The following TTF1 variants were observed in gnomAD, a reference collection of about 807,000 sequenced individuals.
TTF1 encodes transcription termination factor 1.
In TTF1, 64 loss-of-function variants were observed where a neutral mutation model predicts 80.2. The observed-to-expected ratio is 0.80, with a 90% CI of 0.65 to 0.98. TTF1 has a LOEUF of 0.98. TTF1 is among the 50% of genes least tolerant of loss of function. TTF1 has a pLI of 0.00. For synonymous variants in TTF1, 372 were observed against 382.7 expected (o/e 0.97, Z 0.33); for missense variants, 1,023 against 1,086.2 (o/e 0.94, Z 0.82).
chr9:132,378,633 T>TGTGAGTGCATGTGGTTG lies in TTF1; in HGVS notation c.2464+425_2464+426insCAACCACATGCACTCAC, dbSNP rs1849305206. On this transcript the variant is annotated intron_variant, in intron 10 of 10. Coordinates refer to ENST00000334270, the MANE Select transcript of TTF1 (RefSeq NM_007344.4). ...ATGTGGTGTGAGTGCATGTGGTTGG[T>TGTGAGTGCATGTGGTTG]GTGAGTGCATGTGGTGTGAGTGCAT... is the stretch of plus-strand genomic sequence containing the variant. Among the ~76,000 whole-genome samples, 5 of 137,816 alleles carry TGTGAGTGCATGTGGTTG rather than the reference T, an allele frequency of 3.6e-5. 1 individual carries two copies. The South Asian group carries it at 1.2e-3, about 33-fold the overall frequency. 90.4% of individuals were successfully genotyped at this position (137,816 alleles called of 152,430 possible). A position where few individuals can be genotyped will look rare whatever the true frequency, so the allele number is the denominator to read the frequency against.
At chr9:132,382,118 G>A (rs957173422) in intron 9 of TTF1, among the ~76,000 whole-genome samples, 11 of 152,214 alleles carry the variant, frequency 7.2e-5, no homozygotes, top group Non-Finnish European at 1.6e-4. Context: ...TTGAGATATC[G>A]AGAGTGGTGG....
Position 132,379,041 on chromosome 9 carries a change from A to C in TTF1, c.2464+18T>G. The C allele has an allele frequency of 1.3e-6, 2 of 1,575,112 alleles. No individual in the cohort carries two copies. The highest frequency in any genetic ancestry group is 1.4e-5 in the African/African-American group (1 of 73,226). ...CAAATGCCATGTTCTTAGCCATATA[A>C]ATATTAAGAATACTAACCTGGAAAA... On this transcript the variant is annotated intron_variant, in intron 10 of 10. Coordinates refer to ENST00000334270, the MANE Select transcript of TTF1 (RefSeq NM_007344.4).
intron 9 of TTF1, 30 bp from the exon 10 acceptor site, chr9:132,379,174 C>CT (rs1849322053): frequency 6.5e-7 from 1 of 1,529,650 alleles, no homozygotes; most frequent in South Asian, 1.2e-5. Context: ...AGATAAAAAG[C>CT]AAGTTAGTTT....
At position 132,401,576 on chromosome 9, in the gene TTF1, T is replaced by G. The variant is rs778305579; in HGVS notation, c.1246A>C (p.Ser416Arg). The part of the protein sequence containing the change: ...DFSVPSKNSE[S>R]TLFDSVEGDG... ...CCTTCTACTGAATCAAAGAGTGTGC[T>G]CTCAGAGTTCTTACTGGGCACTGAA... The change falls in exon 2 of 11, where the codon AGC (serine) becomes CGC (arginine). Residue 416 changes from serine (S) to arginine (R), a missense_variant. Transcript: ENST00000334270. 5.6e-6 allele frequency: 9 copies of G among 1,613,994 alleles called. No individual in the cohort carries two copies. The highest frequency in any genetic ancestry group is 7.6e-6 in the Non-Finnish European group (9 of 1,180,030).
chr9:132,397,381 CAA>C (rs1201826303), intron 4 of TTF1, among the ~76,000 whole-genome samples: 2 of 152,176 alleles, frequency 1.3e-5, no homozygotes, highest in Non-Finnish European at 2.9e-5. Context: ...TCTTTAAATT[CAA>C]GAGAGATTTG....
chr9:132,386,672 C>A, intron 8 of TTF1, 51 bp from the exon 9 acceptor site: 1 of 1,471,410 alleles, frequency 6.8e-7, no homozygotes, highest in Non-Finnish European at 9.5e-7. Context: ...ATCATGATAG[C>A]CATCTTCATG....
At chr9:132,396,292 G>A (rs749950814) in intron 5 of TTF1, 141 bp downstream of exon 5, 2 of 822,108 alleles carry the variant, frequency 2.4e-6, no homozygotes, top group Non-Finnish European at 4.0e-6. Flanking sequence ...ACACACATTT[G>A]ACAACAAATA....
chr9:132,385,844 G>C (rs915114102), intron 9 of TTF1, among the ~76,000 whole-genome samples: 1 of 152,086 alleles, frequency 6.6e-6, no homozygotes, highest in African/African-American at 2.4e-5. Flanking sequence ...CATCAATGTA[G>C]TTTTTAGGTT....
Position 132,400,080 on chromosome 9 carries a change from T to G in TTF1, c.1546A>C (p.Met516Leu). ...KDRATSTIKR[M>L]YRDDLERFKE... Reference sequence around the variant, plus strand: ...AACCGTTCCAAGTCGTCCCGGTACATCCGCTTGATTGTGCTGGTGGCCCTG... The same window carrying G: ...AACCGTTCCAAGTCGTCCCGGTACAGCCGCTTGATTGTGCTGGTGGCCCTG... The change falls in exon 3 of 11, where the codon ATG (methionine) becomes CTG (leucine). Residue 516 changes from methionine to leucine, a missense_variant. By Grantham distance (15) the Met-to-Leu change is conservative (BLOSUM62 2). Transcript: ENST00000334270. 1.9e-6 allele frequency: 3 copies of G among 1,614,202 alleles called. No individual in the cohort carries two copies. The highest frequency in any genetic ancestry group is 2.5e-6 in the Non-Finnish European group (3 of 1,180,042).
At chr9:132,382,695 G>T (rs1849388125) in intron 9 of TTF1, among the ~76,000 whole-genome samples, 1 of 151,062 alleles carries the variant, frequency 6.6e-6, no homozygotes, top group South Asian at 2.1e-4. Flanking sequence ...ACTTTGAGAG[G>T]GATTAAGGCC....
chr9:132,387,244 G>A (rs899644280), intron 8 of TTF1, among the ~76,000 whole-genome samples: 3 of 152,102 alleles, frequency 2.0e-5, no homozygotes, highest in Non-Finnish European at 4.4e-5. Context: ...GCACCACGCC[G>A]AGCCAAGTTA....
Position 132,377,407 on chromosome 9 carries a change from GGTGT to G in TTF1, c.2465-1243_2465-1240del, listed in dbSNP as rs560606691. Among the ~76,000 whole-genome samples the G allele has an allele frequency of 4.0e-3, 499 of 123,238 alleles. 2 individuals carry two copies. Among genetic ancestry groups the G allele is most frequent in the African/African-American group, 0.016 (464 of 29,172 alleles). 80.8% of individuals were successfully genotyped at this position (123,238 alleles called of 152,430 possible). The stretch of plus-strand genomic sequence containing the variant: ...GAGTGCATGTGGTGTGAGTGCATGT[GGTGT>G]GTGTGAGTGCATGCATGTGGTGTGA... On this transcript the variant is annotated intron_variant, in intron 10 of 10. Coordinates refer to ENST00000334270, the MANE Select transcript of TTF1 (RefSeq NM_007344.4).
chr9:132,404,402 C>T (rs778227438), intron 1 of TTF1, among the ~76,000 whole-genome samples: 3 of 152,106 alleles, frequency 2.0e-5, no homozygotes, highest in Non-Finnish European at 2.9e-5. Context: ...CTCTCTGTCT[C>T]GCTGCAACAA....
intron 10 of TTF1, among the ~76,000 whole-genome samples, chr9:132,378,702 T>C (rs1849310778): frequency 6.7e-6 from 1 of 149,514 alleles, no homozygotes; most frequent in Non-Finnish European, 1.5e-5. Flanking sequence ...GTGCATGTGG[T>C]GTGAGTGCAT....
chr9:132,389,277 G>A (rs1849521246), intron 7 of TTF1, among the ~76,000 whole-genome samples: 1 of 151,216 alleles, frequency 6.6e-6, no homozygotes, highest in African/African-American at 2.4e-5. Context: ...CCGCCTCTTG[G>A]GTTCAAGCAA....
At chr9:132,399,545 GGTTA>G (rs1175927657) in intron 3 of TTF1, among the ~76,000 whole-genome samples, 2 of 151,858 alleles carry the variant, frequency 1.3e-5, no homozygotes, top group Non-Finnish European at 2.9e-5. Context: ...GAATAATAAA[GGTTA>G]TTTATTATTC....
At chr9:132,395,221 C>T (rs982161415) in intron 5 of TTF1, among the ~76,000 whole-genome samples, 3 of 151,950 alleles carry the variant, frequency 2.0e-5, no homozygotes, top group Non-Finnish European at 4.4e-5. Context: ...AAAAAATCAA[C>T]AACAAAAATT....
chr9:132,400,285 T>A (rs1197067489), intron 2 of TTF1, 27 bp from the exon 3 acceptor site: 2 of 1,574,650 alleles, frequency 1.3e-6, no homozygotes, highest in Non-Finnish European at 1.7e-6. Context: ...TTGGGTTGAC[T>A]AACATTAACA....
chr9:132,404,867 A>G (rs1375995951), intron 1 of TTF1, among the ~76,000 whole-genome samples: 1 of 151,946 alleles, frequency 6.6e-6, no homozygotes, highest in Non-Finnish European at 1.5e-5. Flanking sequence ...TCACAAACAG[A>G]GCAAAGCCGA....
Sources: allele counts gnomAD v4.1 joint callset (sites outside exome capture counted in the v4.1 genomes callset), GRCh38; gene constraint gnomAD v4.1.1; transcripts MANE v1.5; gene names NCBI Gene and HGNC (gene_info 2026-07-23, HGNC 2026-07-21).